The following ARHGAP15 variants were observed in gnomAD, a reference collection of about 807,000 sequenced individuals.
ARHGAP15 encodes the protein rho GTPase-activating protein 15.
Under a neutral mutation model 63.7 loss-of-function variants are expected in ARHGAP15, and 51 were observed. That is an observed-to-expected ratio of 0.80 (90% confidence interval 0.64 to 1.01). The LOEUF (loss-of-function observed/expected upper bound fraction) is 1.01. Among genes scored for constraint, ARHGAP15 ranks in the 50% least tolerant of loss-of-function variants. The probability of loss-of-function intolerance (pLI) is 0.00; values close to 1 mark genes in which losing one functional copy is unlikely to be tolerated. For missense variants in ARHGAP15, 560 were observed against 564.6 expected (o/e 0.99, Z 0.08); for synonymous variants, 191 against 193.8 (o/e 0.99, Z 0.12).
In ARHGAP15 at chr2:143,407,987, G is replaced by GTATGTATA. The variant is rs1553475720; in HGVS notation, c.475-27611_475-27610insGTATATAT. ...TTTTTAAAGTCTGACTTCTGTGTGT[G>GTATGTATA]TATATATATATATATATATATATAT... On this transcript the variant is annotated intron_variant, in intron 6 of 13. Transcript: ENST00000295095. 1.7e-3 allele frequency among the ~76,000 whole-genome samples: 131 copies of GTATGTATA among 77,332 alleles called. 1 individual carries two copies. Among genetic ancestry groups the GTATGTATA allele is most frequent in the Non-Finnish European group, 3.0e-3 (104 of 34,838 alleles). The allele number at this position is 77,332 out of a possible 152,430, so 50.7% of individuals were successfully genotyped here.
chr2:143,627,240 G>A (rs908163471), intron 12 of ARHGAP15, among the ~76,000 whole-genome samples: 1 of 152,162 alleles, frequency 6.6e-6, no homozygotes, highest in Non-Finnish European at 1.5e-5. Flanking sequence ...ACTCAAAACA[G>A]AATAGTAGAA....
At chr2:143,415,082 C>T (rs917709503) in intron 6 of ARHGAP15, among the ~76,000 whole-genome samples, 1 of 152,122 alleles carries the variant, frequency 6.6e-6, no homozygotes, top group Non-Finnish European at 1.5e-5. Context: ...GTAACCAAAT[C>T]TTGTTGACCA....
chr2:143,231,069 CTT>C (rs914904536), intron 5 of ARHGAP15, among the ~76,000 whole-genome samples: 21 of 125,384 alleles, frequency 1.7e-4, no homozygotes, highest in Admixed American at 1.7e-4. Flanking sequence ...GATGTAATTC[CTT>C]TTTTTTTTTT....
At chr2:143,342,110 C>G (rs1685083728) in intron 6 of ARHGAP15, among the ~76,000 whole-genome samples, 1 of 152,032 alleles carries the variant, frequency 6.6e-6, no homozygotes, top group African/African-American at 2.4e-5. Flanking sequence ...AGCTAAATGT[C>G]TATTGAGCAG....
At chr2:143,177,293 T>A (rs555422031) in intron 2 of ARHGAP15, among the ~76,000 whole-genome samples, 1 of 152,174 alleles carries the variant, frequency 6.6e-6, no homozygotes, top group Non-Finnish European at 1.5e-5. Flanking sequence ...TAGAGTACTC[T>A]GTCGTAGAAT....
chr2:143,280,914 A>T (rs1038476193), intron 6 of ARHGAP15, among the ~76,000 whole-genome samples: 1 of 152,162 alleles, frequency 6.6e-6, no homozygotes, highest in Non-Finnish European at 1.5e-5. Flanking sequence ...TGACAAATGC[A>T]AAAAGAACAC....
Position 143,767,982 on chromosome 2 carries a change from T to C in ARHGAP15, c.1245-7T>C. The C allele has an allele frequency of 6.2e-7, 1 of 1,610,050 alleles. No homozygotes were observed. The highest frequency in any genetic ancestry group is 8.5e-7 in the Non-Finnish European group (1 of 1,178,092). ...GTGAAATTATTTTTTTTTCTCTCTC[T>C]CCACAGGATAGTGGCCAAAGCCTCC... On this transcript the variant is annotated splice_region_variant and splice_polypyrimidine_tract_variant and intron_variant, in intron 13 of 13. Transcript: ENST00000295095.
chr2:143,221,976 T>A (rs960877752), intron 4 of ARHGAP15, among the ~76,000 whole-genome samples: 1 of 152,210 alleles, frequency 6.6e-6, no homozygotes, highest in African/African-American at 2.4e-5. Context: ...AATGTGAGAC[T>A]AAGGTGTGCG....
chr2:143,510,181 G>T (rs115003041), intron 9 of ARHGAP15, among the ~76,000 whole-genome samples: 1,622 of 152,142 alleles, frequency 0.011, 45 homozygotes, highest in African/African-American at 0.037. Context: ...ACCCATGTTT[G>T]GAATACGATT....
chr2:143,680,021 T>TAAAAAAAA (rs55927433), intron 12 of ARHGAP15, among the ~76,000 whole-genome samples: 32 of 101,630 alleles, frequency 3.1e-4, no homozygotes, highest in African/African-American at 1.4e-3. Flanking sequence ...AGTAAATGAT[T>TAAAAAAAA]AAAAAAAAAA....
chr2:143,552,872 A>T (rs1445754721), intron 10 of ARHGAP15, among the ~76,000 whole-genome samples: 2 of 152,174 alleles, frequency 1.3e-5, no homozygotes, highest in Admixed American at 6.5e-5. Flanking sequence ...TCTCAAAGCG[A>T]TTTTTCACCA....
chr2:143,401,535 TTTG>T (rs1687987896), intron 6 of ARHGAP15, among the ~76,000 whole-genome samples: 1 of 152,050 alleles, frequency 6.6e-6, no homozygotes, highest in African/African-American at 2.4e-5. Context: ...ATTGGTATTT[TTTG>T]TTGTTGAGTG....
chr2:143,219,376 C>A (rs1031057670), intron 4 of ARHGAP15, among the ~76,000 whole-genome samples: 3 of 152,182 alleles, frequency 2.0e-5, no homozygotes, highest in Non-Finnish European at 2.9e-5. Context: ...CACAGTGACA[C>A]AATCACCTAA....
intron 8 of ARHGAP15, among the ~76,000 whole-genome samples, chr2:143,468,657 A>AGTGT (rs1168938797): frequency 1.7e-3 from 202 of 122,284 alleles, no homozygotes; most frequent in Middle Eastern, 4.2e-3. Flanking sequence ...AGAGAGAGAG[A>AGTGT]GAGAGAGTGT....
At chr2:143,440,652 T>G (rs1354440538) in intron 8 of ARHGAP15, among the ~76,000 whole-genome samples, 5 of 152,218 alleles carry the variant, frequency 3.3e-5, no homozygotes, top group African/African-American at 1.2e-4. Flanking sequence ...CATATACTTT[T>G]CTTTTAAAAA....
intron 12 of ARHGAP15, among the ~76,000 whole-genome samples, chr2:143,669,494 C>A (rs1042198797): frequency 1.3e-5 from 2 of 152,092 alleles, no homozygotes; most frequent in East Asian, 1.9e-4. Context: ...ATGGCTCAGA[C>A]CTTTGAAGGA....
At chr2:143,427,529 A>G (rs958352022) in intron 6 of ARHGAP15, among the ~76,000 whole-genome samples, 8 of 151,632 alleles carry the variant, frequency 5.3e-5, no homozygotes, top group African/African-American at 1.9e-4. Flanking sequence ...CAATTACCAA[A>G]GCCTATATTT....
chr2:143,560,371 C>T (rs983326361), intron 11 of ARHGAP15, among the ~76,000 whole-genome samples: 2 of 152,186 alleles, frequency 1.3e-5, no homozygotes, highest in African/African-American at 4.8e-5. Context: ...TCCTTTCTTA[C>T]ATCCCATAGA....
intron 13 of ARHGAP15, among the ~76,000 whole-genome samples, chr2:143,723,381 C>T (rs921751971): frequency 1.3e-5 from 2 of 152,166 alleles, no homozygotes; most frequent in African/African-American, 4.8e-5. Flanking sequence ...GGAGCAAAGC[C>T]GGAAAGCCAA....
Sources: gnomAD v4.1 joint callset for allele counts (sites outside exome capture counted in the v4.1 genomes callset) on GRCh38, gnomAD v4.1.1 for gene constraint, MANE v1.5 for transcripts, NCBI Gene and HGNC (gene_info 2026-07-23, HGNC 2026-07-21) for gene names.